CNTN5: variants seen among roughly 807,000 people sequenced by gnomAD.
CNTN5 encodes the protein contactin 5.
In CNTN5, 77 loss-of-function variants were observed where a neutral mutation model predicts 129.1. The ratio of observed to expected loss-of-function variants is 0.60; its 90% CI spans 0.50 to 0.72. The LOEUF (loss-of-function observed/expected upper bound fraction) is 0.72, where lower values mean the gene tolerates loss of function less well. Among genes scored for constraint, CNTN5 ranks in the 30% least tolerant of loss-of-function variants. The pLI is 0.00. For missense variants in CNTN5, 1,478 were observed against 1,328.8 expected, an observed-to-expected ratio of 1.11 and a Z score of -1.75; for synonymous variants, 509 against 465.6, an observed-to-expected ratio of 1.09 and a Z score of -1.20.
At chr11:99,280,367 T>A (rs1591463206) in intron 1 of CNTN5, among the ~76,000 whole-genome samples, 1 of 151,906 alleles carries the variant, frequency 6.6e-6, no homozygotes, top group Middle Eastern at 3.4e-3. Context: ...TGTTTTAATA[T>A]CATCAAAATC....
rs984596682 is a variant in CNTN5 at position 100,358,170 on chromosome 11, C to T, written c.*1950C>T. 3 of 151,874 alleles carry T rather than the reference C, an allele frequency of 2.0e-5. No homozygotes were observed. Among genetic ancestry groups the T allele is most frequent in the African/African-American group, 4.8e-5 (2 of 41,408 alleles). The allele number at this position is 151,874 out of a possible 1,614,324, so 9.4% of individuals were successfully genotyped here. A position where few individuals can be genotyped will look rare whatever the true frequency, so the allele number is the denominator to read the frequency against. ...TAATGCAAAATAATTTTACGTATTT[C>T]ATGAATCAAGCCATTTTCTTCATTT... On this transcript the variant is annotated 3_prime_UTR_variant, in exon 25 of 25. Coordinates refer to ENST00000524871, the MANE Select transcript of CNTN5 (RefSeq NM_014361.4).
At chr11:99,892,888 G>C (rs1162745631) in intron 6 of CNTN5, among the ~76,000 whole-genome samples, 1 of 152,090 alleles carries the variant, frequency 6.6e-6, no homozygotes, top group Admixed American at 6.5e-5. Flanking sequence ...GCCTGATGGG[G>C]ACAGCATTGA....
At chr11:100,005,231 A>G (rs1005260659) in intron 9 of CNTN5, among the ~76,000 whole-genome samples, 5 of 152,174 alleles carry the variant, frequency 3.3e-5, no homozygotes, top group Non-Finnish European at 7.3e-5. Context: ...TTAACAGTTA[A>G]TCAAAAATAA....
chr11:100,141,906 G>T (rs1043827908), intron 13 of CNTN5, among the ~76,000 whole-genome samples: 4 of 152,124 alleles, frequency 2.6e-5, no homozygotes, highest in African/African-American at 9.7e-5. Context: ...GGAGAGATTT[G>T]TGTGTGAGTT....
chr11:99,760,842 CAG>C (rs1318074170), intron 3 of CNTN5, among the ~76,000 whole-genome samples: 3 of 152,022 alleles, frequency 2.0e-5, no homozygotes, highest in Admixed American at 1.3e-4. Flanking sequence ...CACACACACA[CAG>C]AGGTTTGTTT....
chr11:99,483,130 C>A (rs1242289290), intron 2 of CNTN5, among the ~76,000 whole-genome samples: 1 of 124,980 alleles, frequency 8.0e-6, no homozygotes, highest in Non-Finnish European at 1.6e-5. Flanking sequence ...GAGCCGAGAT[C>A]GCGCCACTGC....
At chr11:99,107,597 G>A (rs1349018978) in intron 1 of CNTN5, among the ~76,000 whole-genome samples, 1 of 151,998 alleles carries the variant, frequency 6.6e-6, no homozygotes, top group Non-Finnish European at 1.5e-5. Context: ...TGAGCTTAAA[G>A]TTTACATTGC....
intron 13 of CNTN5, among the ~76,000 whole-genome samples, chr11:100,105,663 T>G (rs1565244512): frequency 6.6e-6 from 1 of 152,146 alleles, no homozygotes; most frequent in Non-Finnish European, 1.5e-5. Context: ...TCCAGGAGCT[T>G]GTGGTCTCCT....
chr11:99,323,659 A>G (rs1865663388), intron 1 of CNTN5, among the ~76,000 whole-genome samples: 1 of 152,106 alleles, frequency 6.6e-6, no homozygotes, highest in Non-Finnish European at 1.5e-5. Context: ...CTGACTTCCA[A>G]AAACATTCAT....
At chr11:100,205,137 G>A (rs1948887536) in intron 15 of CNTN5, among the ~76,000 whole-genome samples, 1 of 151,958 alleles carries the variant, frequency 6.6e-6, no homozygotes, top group Admixed American at 6.6e-5. Flanking sequence ...TGACTCCTAT[G>A]TTATTTCTCA....
chr11:100,302,652 T>C (rs946355823), intron 20 of CNTN5, among the ~76,000 whole-genome samples: 2 of 151,514 alleles, frequency 1.3e-5, no homozygotes, highest in African/African-American at 4.8e-5. Flanking sequence ...TACCAGAATT[T>C]ATGTTATTGG....
At chr11:99,487,052 G>A (rs1282860822) in intron 2 of CNTN5, among the ~76,000 whole-genome samples, 1 of 152,178 alleles carries the variant, frequency 6.6e-6, no homozygotes, top group Non-Finnish European at 1.5e-5. Context: ...CCATATTAGA[G>A]TAAAAGTGCC....
chr11:99,671,608 G>C (rs550985102), intron 3 of CNTN5, among the ~76,000 whole-genome samples: 69 of 152,224 alleles, frequency 4.5e-4, no homozygotes, highest in South Asian at 2.9e-3. Flanking sequence ...GAAGGGCTGA[G>C]GCACATTATC....
At chr11:99,958,691 TA>T (rs2136177754) in intron 8 of CNTN5, among the ~76,000 whole-genome samples, 1 of 152,320 alleles carries the variant, frequency 6.6e-6, no homozygotes, top group South Asian at 2.1e-4. Flanking sequence ...TTTATCTAAT[TA>T]AAAGCTTTGA....
chr11:99,752,507 A>G (rs1944268299), intron 3 of CNTN5, among the ~76,000 whole-genome samples: 1 of 152,254 alleles, frequency 6.6e-6, no homozygotes, highest in African/African-American at 2.4e-5. Flanking sequence ...TTATTTAAAG[A>G]GGAAAATAAG....
chr11:100,085,143 A>G (rs910037338), intron 13 of CNTN5, among the ~76,000 whole-genome samples: 23 of 152,158 alleles, frequency 1.5e-4, no homozygotes, highest in African/African-American at 5.3e-4. Context: ...CCAGTGAGAA[A>G]TTCTGTCTGG....
intron 1 of CNTN5, among the ~76,000 whole-genome samples, chr11:99,316,844 G>T (rs760727088): frequency 6.6e-6 from 1 of 152,132 alleles, no homozygotes; most frequent in Admixed American, 6.6e-5. Context: ...GCTCCGAGCC[G>T]TGTATAAAGA....
At chr11:99,655,289 G>A (rs1391894909) in intron 3 of CNTN5, among the ~76,000 whole-genome samples, 6 of 152,118 alleles carry the variant, frequency 3.9e-5, no homozygotes, top group Non-Finnish European at 8.8e-5. Context: ...GATGTGAACA[G>A]TATCTAGTGC....
intron 3 of CNTN5, among the ~76,000 whole-genome samples, chr11:99,622,752 T>G (rs1174110384): frequency 6.6e-6 from 1 of 152,074 alleles, no homozygotes; most frequent in Non-Finnish European, 1.5e-5. Flanking sequence ...GCCCGTTCCC[T>G]GGAAAGGTTA....
Sources: gnomAD v4.1 joint callset for allele counts (sites outside exome capture counted in the v4.1 genomes callset) on GRCh38, gnomAD v4.1.1 for gene constraint, MANE v1.5 for transcripts, NCBI Gene and HGNC (gene_info 2026-07-23, HGNC 2026-07-21) for gene names.